ARHGAP15: variants seen among roughly 807,000 people sequenced by gnomAD.
The protein encoded by ARHGAP15 is rho GTPase-activating protein 15.
ARHGAP15 carries 51 observed loss-of-function variants against 63.7 expected under a neutral mutation model. That is an observed-to-expected ratio of 0.80 (90% CI 0.64 to 1.01). ARHGAP15 has a LOEUF of 1.01. ARHGAP15 is among the 50% of genes least tolerant of loss of function. ARHGAP15 has a pLI of 0.00. For synonymous variants in ARHGAP15, 191 were observed against 193.8 expected, an observed-to-expected ratio of 0.99 and a Z score of 0.12; for missense variants, 560 against 564.6, an observed-to-expected ratio of 0.99 and a Z score of 0.08.
chr2:143,608,754 T>C (rs1381948349), intron 11 of ARHGAP15: 1 of 152,248 alleles, frequency 6.6e-6, no homozygotes, highest in Non-Finnish European at 1.5e-5. Flanking sequence ...ACACCTGTTT[T>C]AATTAGCATT....
At chr2:143,744,660 T>TC (rs1686093088) in intron 13 of ARHGAP15, among the ~76,000 whole-genome samples, 3 of 152,114 alleles carry the variant, frequency 2.0e-5, no homozygotes, top group Non-Finnish European at 4.4e-5. Flanking sequence ...TCCTTGTACA[T>TC]CTCCCCTCTC....
At chr2:143,335,809 T>C (rs1363927176) in intron 6 of ARHGAP15, among the ~76,000 whole-genome samples, 1 of 152,078 alleles carries the variant, frequency 6.6e-6, no homozygotes, top group Non-Finnish European at 1.5e-5. Context: ...AAGCCAATGT[T>C]CACATTTGAG....
chr2:143,750,385 G>A (rs2105524972), intron 13 of ARHGAP15, among the ~76,000 whole-genome samples: 1 of 152,258 alleles, frequency 6.6e-6, no homozygotes, highest in South Asian at 2.1e-4. Flanking sequence ...AGGTTGCAGT[G>A]AGCCGGGACA....
chr2:143,294,323 T>C (rs913542986), intron 6 of ARHGAP15, among the ~76,000 whole-genome samples: 1 of 152,108 alleles, frequency 6.6e-6, no homozygotes, highest in Non-Finnish European at 1.5e-5. Flanking sequence ...GATTGATAAT[T>C]AACTTTTTCA....
intron 8 of ARHGAP15, among the ~76,000 whole-genome samples, chr2:143,475,520 G>A (rs773579908): frequency 1.3e-5 from 2 of 152,214 alleles, no homozygotes; most frequent in South Asian, 2.1e-4. Context: ...TGACATTTCC[G>A]GATATTCGAT....
At chr2:143,388,320 A>G (rs902182970) in intron 6 of ARHGAP15, among the ~76,000 whole-genome samples, 7 of 152,188 alleles carry the variant, frequency 4.6e-5, no homozygotes, top group African/African-American at 1.7e-4. Context: ...ATTTTTCCCA[A>G]ATTAGATATG....
chr2:143,715,110 C>A (rs576560099), intron 13 of ARHGAP15, among the ~76,000 whole-genome samples: 3 of 152,262 alleles, frequency 2.0e-5, no homozygotes, highest in African/African-American at 4.8e-5. Flanking sequence ...ATTGGACTTA[C>A]AGTTCCACAT....
chr2:143,414,882 T>C (rs1688609788), intron 6 of ARHGAP15, among the ~76,000 whole-genome samples: 1 of 152,058 alleles, frequency 6.6e-6, no homozygotes, highest in Non-Finnish European at 1.5e-5. Context: ...TGAGTCAAGA[T>C]CACACCACTG....
intron 13 of ARHGAP15, chr2:143,766,874 A>AGTCT (rs1181751959): frequency 2.6e-5 from 4 of 152,180 alleles, no homozygotes; most frequent in African/African-American, 9.7e-5. Context: ...CTATAATACC[A>AGTCT]GTCTTTCTGC....
chr2:143,357,383 G>A (rs1272607354), intron 6 of ARHGAP15, among the ~76,000 whole-genome samples: 2 of 151,622 alleles, frequency 1.3e-5, no homozygotes, highest in Non-Finnish European at 2.9e-5. Flanking sequence ...TTGACCTGAA[G>A]CAAAATACAA....
chr2:143,659,730 AT>A (rs944720796), intron 12 of ARHGAP15, among the ~76,000 whole-genome samples: 68 of 152,288 alleles, frequency 4.5e-4, no homozygotes, highest in African/African-American at 1.6e-3. Flanking sequence ...CCTTTTAAAA[AT>A]TTAGAAGACT....
Position 143,153,843 on chromosome 2 carries a change from T to TTCCTCTTCC in ARHGAP15, c.-14-1629_-14-1628insTTCCTCCTC, listed in dbSNP as rs1558779624. Among the ~76,000 whole-genome samples the TTCCTCTTCC allele has an allele frequency of 1.8e-4, 16 of 86,888 alleles. 1 individual carries two copies. Among genetic ancestry groups the TTCCTCTTCC allele is most frequent in the South Asian group, 4.8e-4 (1 of 2,066 alleles). The allele number at this position is 86,888 out of a possible 152,430, so 57.0% of individuals were successfully genotyped here. A position where few individuals can be genotyped will look rare whatever the true frequency, so the allele number is the denominator to read the frequency against. ...CTTCTTCTTCTTCTTCTTCTTCTTC[T>TTCCTCTTCC]TCCTCCTCCTCCTCCTCCTCCTCCT... On this transcript the variant is annotated intron_variant, in intron 1 of 13. Transcript: ENST00000295095.
At chr2:143,630,057 AT>A (rs1032964008) in intron 12 of ARHGAP15, among the ~76,000 whole-genome samples, 1 of 152,126 alleles carries the variant, frequency 6.6e-6, no homozygotes, top group Admixed American at 6.6e-5. Flanking sequence ...GTCCTATGTC[AT>A]CTTATATAAG....
At chr2:143,307,636 A>G (rs540768794) in intron 6 of ARHGAP15, among the ~76,000 whole-genome samples, 1 of 152,242 alleles carries the variant, frequency 6.6e-6, no homozygotes, top group African/African-American at 2.4e-5. Flanking sequence ...TTTCAGTGTG[A>G]AAAGAGAGAG....
At chr2:143,496,774 G>T (rs1190225631) in intron 9 of ARHGAP15, among the ~76,000 whole-genome samples, 1 of 152,190 alleles carries the variant, frequency 6.6e-6, no homozygotes, top group South Asian at 2.1e-4. Flanking sequence ...CCAATGCCTA[G>T]TAATAGCTAT....
intron 6 of ARHGAP15, among the ~76,000 whole-genome samples, chr2:143,368,059 T>G (rs141589252): frequency 1.3e-5 from 2 of 152,056 alleles, no homozygotes; most frequent in East Asian, 3.8e-4. Flanking sequence ...GGTGCATATA[T>G]GCTAACATCA....
chr2:143,472,175 C>T (rs1231212899), intron 8 of ARHGAP15, among the ~76,000 whole-genome samples: 1 of 152,112 alleles, frequency 6.6e-6, no homozygotes, highest in Non-Finnish European at 1.5e-5. Flanking sequence ...CATAAGGTAA[C>T]ATTGTTCCAC....
Position 143,413,966 on chromosome 2 carries a change from T to TGTGTGTGTGTGCAC in ARHGAP15, c.475-21634_475-21633insTGTGTGTGTGCACG. On this transcript the variant is annotated intron_variant, in intron 6 of 13. Transcript: ENST00000295095. ...GTGTGTGTGTGTGTGTGTGTGTGTG[T>TGTGTGTGTGTGCAC]GCGCGCTCTCTGGCAGAAAGTTAAT... Among the ~76,000 whole-genome samples the TGTGTGTGTGTGCAC allele has an allele frequency of 1.1e-4, 13 of 117,924 alleles. 1 individual carries two copies. Among genetic ancestry groups the TGTGTGTGTGTGCAC allele is most frequent in the African/African-American group, 3.9e-4 (11 of 28,246 alleles). The allele number at this position is 117,924 out of a possible 152,430, so 77.4% of individuals were successfully genotyped here. A position where few individuals can be genotyped will look rare whatever the true frequency, so the allele number is the denominator to read the frequency against.
rs377156985 is a variant in ARHGAP15 at position 143,543,713 on chromosome 2, A to G, written c.926-12695A>G. Among the ~76,000 whole-genome samples the G allele has an allele frequency of 1.2e-3, 177 of 152,066 alleles. 1 individual carries two copies. Among genetic ancestry groups the G allele is most frequent in the African/African-American group, 4.0e-3 (167 of 41,476 alleles). ...CCCAGATATTTCCACAAGTCTTTCAATGTAGATCTATGTGACAAAATCCCC... is the reference window on the plus strand; with the variant it reads ...CCCAGATATTTCCACAAGTCTTTCAGTGTAGATCTATGTGACAAAATCCCC... On this transcript the variant is annotated intron_variant, in intron 10 of 13. Coordinates refer to ENST00000295095, the MANE Select transcript of ARHGAP15 (RefSeq NM_018460.4).
Sources: gnomAD v4.1 joint callset for allele counts (sites outside exome capture counted in the v4.1 genomes callset) on GRCh38, gnomAD v4.1.1 for gene constraint, MANE v1.5 for transcripts, NCBI Gene and HGNC (gene_info 2026-07-23, HGNC 2026-07-21) for gene names.